BNC2: variants seen among roughly 807,000 people sequenced by gnomAD.
BNC2 encodes the protein basonuclin zinc finger protein 2, also known as zinc finger protein basonuclin-2.
A neutral mutation model predicts 76.3 loss-of-function variants in BNC2; 20 were observed. That is an observed-to-expected ratio of 0.26 (90% CI 0.18 to 0.38). The LOEUF (loss-of-function observed/expected upper bound fraction) is 0.38. Among genes scored for constraint, BNC2 ranks in the 10% least tolerant of loss-of-function variants. The pLI is 1.00. For missense variants in BNC2, 1,382 were observed against 1,399.8 expected (o/e 0.99, Z 0.20); for synonymous variants, 582 against 514.8 (o/e 1.13, Z -1.77).
At chr9:16,780,505 G>C (rs534686049) in intron 1 of BNC2, among the ~76,000 whole-genome samples, 20 of 151,912 alleles carry the variant, frequency 1.3e-4, no homozygotes, top group South Asian at 4.2e-4. Flanking sequence ...CCAGGAGGCG[G>C]AGGCTGCAGT....
At chr9:16,580,874 G>A (rs541805998) in intron 4 of BNC2, among the ~76,000 whole-genome samples, 1 of 152,146 alleles carries the variant, frequency 6.6e-6, no homozygotes, top group African/African-American at 2.4e-5. Context: ...TGTAAAGTAG[G>A]AACTATTAAT....
chr9:16,421,798 C>T (rs966614214), intron 6 of BNC2, among the ~76,000 whole-genome samples: 8 of 152,212 alleles, frequency 5.3e-5, no homozygotes, highest in African/African-American at 7.2e-5. Flanking sequence ...AGTAGAGTTA[C>T]GCTATGCGCT....
intron 3 of BNC2, chr9:16,625,983 C>T (rs558196512): frequency 6.6e-6 from 1 of 152,270 alleles, no homozygotes; most frequent in South Asian, 2.1e-4. Context: ...CATTTTTGGT[C>T]CAAGCTGTGT....
At chr9:16,493,038 T>A (rs1177930386) in intron 5 of BNC2, among the ~76,000 whole-genome samples, 1 of 152,138 alleles carries the variant, frequency 6.6e-6, no homozygotes, top group Non-Finnish European at 1.5e-5. Flanking sequence ...GACTTAGAGC[T>A]CCCCTGCTTT....
chr9:16,563,514 A>C (rs1490221900), intron 4 of BNC2, among the ~76,000 whole-genome samples: 1 of 152,218 alleles, frequency 6.6e-6, no homozygotes. Flanking sequence ...TTTTCCATAA[A>C]TTGAAAAAGA....
chr9:16,530,617 T>A (rs947009851), intron 5 of BNC2, among the ~76,000 whole-genome samples: 1 of 152,230 alleles, frequency 6.6e-6, no homozygotes, highest in African/African-American at 2.4e-5. Flanking sequence ...TAAACCATAA[T>A]GCTGAGAGAA....
intron 1 of BNC2, among the ~76,000 whole-genome samples, chr9:16,826,887 T>A (rs909178271): frequency 6.6e-6 from 1 of 152,168 alleles, no homozygotes; most frequent in African/African-American, 2.4e-5. Context: ...GAAAAAAATT[T>A]TCTAAATGCT....
At chr9:16,863,046 C>G (rs1389703925) in intron 1 of BNC2, among the ~76,000 whole-genome samples, 1 of 151,870 alleles carries the variant, frequency 6.6e-6, no homozygotes, top group African/African-American at 2.4e-5. Context: ...TCCCGAGTAG[C>G]TGGGATTATA....
chr9:16,790,635 T>A (rs1817479433), intron 1 of BNC2, among the ~76,000 whole-genome samples: 1 of 152,182 alleles, frequency 6.6e-6, no homozygotes, highest in Non-Finnish European at 1.5e-5. Context: ...TTATACAATA[T>A]CTGTGAGAGT....
intron 3 of BNC2, among the ~76,000 whole-genome samples, chr9:16,602,519 T>C (rs539012654): frequency 6.5e-4 from 99 of 152,318 alleles, no homozygotes; most frequent in African/African-American, 2.3e-3. Context: ...AAATGTGGTA[T>C]ACTAGGAAAA....
At chr9:16,658,821 T>C (rs1477617814) in intron 3 of BNC2, among the ~76,000 whole-genome samples, 2 of 152,284 alleles carry the variant, frequency 1.3e-5, no homozygotes, top group East Asian at 1.9e-4. Context: ...CTCTTTCTTA[T>C]GCCCACACCC....
At chr9:16,455,341 T>C (rs1445414939) in intron 5 of BNC2, among the ~76,000 whole-genome samples, 2 of 152,130 alleles carry the variant, frequency 1.3e-5, no homozygotes, top group South Asian at 2.1e-4. Context: ...AACACATAGA[T>C]ACATGAAAGG....
intron 6 of BNC2, among the ~76,000 whole-genome samples, chr9:16,435,297 C>T (rs919201431): frequency 1.3e-5 from 2 of 152,108 alleles, no homozygotes; most frequent in Non-Finnish European, 2.9e-5. Flanking sequence ...CATACACACA[C>T]GTATACACAG....
chr9:16,538,522 G>A (rs1277420550), intron 5 of BNC2, among the ~76,000 whole-genome samples: 1 of 152,114 alleles, frequency 6.6e-6, no homozygotes, highest in Admixed American at 6.5e-5. Context: ...GGCTAAAAAT[G>A]ATCATCTTTG....
chr9:16,832,346 G>A lies in BNC2; in HGVS notation c.3+38300C>T, dbSNP rs1029013419. 14 of 1,255,816 alleles carry A rather than the reference G, an allele frequency of 1.1e-5. 1 individual carries two copies. Among genetic ancestry groups the A allele is most frequent in the Middle Eastern group, 4.4e-4 (2 of 4,560 alleles). The allele number at this position is 1,255,816 out of a possible 1,614,324, so 77.8% of individuals were successfully genotyped here. ...AGCACAGAATTCCAGAGAAAACCAG[G>A]CAATCTGTGAAACAGAACAGAGAAC... On this transcript the variant is annotated intron_variant, in intron 1 of 6. Transcript: ENST00000380672.
chr9:16,515,100 A>G (rs1378833599), intron 5 of BNC2, among the ~76,000 whole-genome samples: 2 of 152,212 alleles, frequency 1.3e-5, no homozygotes, highest in East Asian at 3.9e-4. Flanking sequence ...CATCAATAGG[A>G]CCACTGAACA....
chr9:16,746,360 G>C (rs1355673895), intron 1 of BNC2, among the ~76,000 whole-genome samples: 3 of 151,812 alleles, frequency 2.0e-5, no homozygotes, highest in Non-Finnish European at 4.4e-5. Context: ...ACTCGTTTTT[G>C]TTTTTTGTTT....
intron 1 of BNC2, among the ~76,000 whole-genome samples, chr9:16,778,583 G>T (rs1826033303): frequency 6.6e-6 from 1 of 152,154 alleles, no homozygotes; most frequent in African/African-American, 2.4e-5. Context: ...AACTTGCAAG[G>T]TAGCATCTGT....
intron 1 of BNC2, among the ~76,000 whole-genome samples, chr9:16,819,479 A>G (rs1818263563): frequency 2.6e-5 from 4 of 152,174 alleles, no homozygotes; most frequent in Admixed American, 6.5e-5. Context: ...CCTGGCCAAC[A>G]TGGTGAAACC....
Sources: allele counts gnomAD v4.1 joint callset (sites outside exome capture counted in the v4.1 genomes callset), GRCh38; gene constraint gnomAD v4.1.1; transcripts MANE v1.5; gene names NCBI Gene and HGNC (gene_info 2026-07-23, HGNC 2026-07-21).